TAFA5: variants seen among roughly 807,000 people sequenced by gnomAD.
TAFA5 encodes chemokine-like protein TAFA-5.
A neutral mutation model predicts 15.3 loss-of-function variants in TAFA5; 6 were observed. That is an observed-to-expected ratio of 0.39 (90% CI 0.21 to 0.77). TAFA5 has a LOEUF of 0.77. Among genes scored for constraint, TAFA5 ranks in the 30% least tolerant of loss-of-function variants. The pLI is 0.41. For missense variants in TAFA5, 161 were observed against 193.1 expected (o/e 0.83, Z 0.98); for synonymous variants, 103 against 80.7 (o/e 1.28, Z -1.48).
chr22:48,624,181 C>T (rs1925947859), intron 1 of TAFA5, among the ~76,000 whole-genome samples: 1 of 152,194 alleles, frequency 6.6e-6, no homozygotes, highest in South Asian at 2.1e-4. Context: ...GAATCTGATG[C>T]TTTCCCCATG....
At chr22:48,654,281 C>T (rs927797365) in intron 2 of TAFA5, among the ~76,000 whole-genome samples, 6 of 152,134 alleles carry the variant, frequency 3.9e-5, no homozygotes, top group African/African-American at 9.7e-5. Context: ...CCTGGGCAGA[C>T]CACCACCCTC....
intron 1 of TAFA5, among the ~76,000 whole-genome samples, chr22:48,491,987 A>AT (rs1222449945): frequency 1.3e-5 from 2 of 152,208 alleles, no homozygotes; most frequent in Admixed American, 6.5e-5. Flanking sequence ...TTCCATCTCC[A>AT]TGTAATGGAA....
At chr22:48,685,650 C>T (rs1311919138) in intron 2 of TAFA5, among the ~76,000 whole-genome samples, 1 of 151,832 alleles carries the variant, frequency 6.6e-6, no homozygotes, top group Admixed American at 6.6e-5. Context: ...ATCTCCCATC[C>T]CATCATGGTT....
chr22:48,512,395 T>C (rs1377097253), intron 1 of TAFA5, among the ~76,000 whole-genome samples: 1 of 151,296 alleles, frequency 6.6e-6, no homozygotes, highest in African/African-American at 2.4e-5. Flanking sequence ...TCGCTTGAGG[T>C]CAGGAGTTCG....
At chr22:48,593,018 G>C (rs1474526060) in intron 1 of TAFA5, among the ~76,000 whole-genome samples, 2 of 152,272 alleles carry the variant, frequency 1.3e-5, no homozygotes, top group Middle Eastern at 3.4e-3. Flanking sequence ...GAGTGGGGCG[G>C]GGGGGTCTGT....
rs569291845 is a variant in TAFA5, at chr22:48,494,272, A to T, written c.112+4568A>T. 2.6e-5 allele frequency among the ~76,000 whole-genome samples: 4 copies of T among 152,330 alleles called. No homozygotes were observed. In the South Asian group the frequency reaches 8.3e-4, roughly 32 times the overall value. The stretch of plus-strand genomic sequence containing the variant: ...AAAACATTAAAATCCCCATTTCTTT[A>T]TATAGGCTCGCATCTGCGCCGATTT... On this transcript the variant is annotated intron_variant, in intron 1 of 3. Coordinates refer to ENST00000402357, the MANE Select transcript of TAFA5 (RefSeq NM_001082967.3).
rs918852099 is a variant in TAFA5 at position 48,571,815 on chromosome 22, A to G, written c.113-74782A>G. Among the ~76,000 whole-genome samples, 3 of 151,918 alleles carry G rather than the reference A, an allele frequency of 2.0e-5. No homozygotes were observed. In the East Asian group the frequency reaches 5.8e-4, roughly 29 times the overall value. On this transcript the variant is annotated intron_variant, in intron 1 of 3. Transcript: ENST00000402357. ...GTTTAATGTTTAGGATATACCCTCT[A>G]GGTCTCAAATTTTCCATACTTTTTC...
intron 2 of TAFA5, among the ~76,000 whole-genome samples, chr22:48,703,602 C>T (rs1279014083): frequency 1.3e-5 from 2 of 152,260 alleles, no homozygotes; most frequent in Non-Finnish European, 2.9e-5. Context: ...CCAGCCGAGC[C>T]TTGTGCTGGG....
intron 1 of TAFA5, among the ~76,000 whole-genome samples, chr22:48,566,000 A>G (rs1923395003): frequency 6.6e-6 from 1 of 150,536 alleles, no homozygotes; most frequent in Admixed American, 6.6e-5. Flanking sequence ...AGATGGATGT[A>G]TGATGGATGG....
intron 1 of TAFA5, among the ~76,000 whole-genome samples, chr22:48,561,680 G>A (rs776022730): frequency 2.6e-5 from 4 of 152,210 alleles, no homozygotes; most frequent in African/African-American, 4.8e-5. Flanking sequence ...CTGGAGATCC[G>A]CGATGCCCAT....
chr22:48,576,253 G>C (rs990164680), intron 1 of TAFA5: 125 of 374,558 alleles, frequency 3.3e-4, no homozygotes, highest in South Asian at 5.4e-4. Context: ...GCCCCCGCCC[G>C]CCCCCTCCGC....
At chr22:48,658,413 C>T (rs371083945) in intron 2 of TAFA5, among the ~76,000 whole-genome samples, 1 of 152,238 alleles carries the variant, frequency 6.6e-6, no homozygotes, top group Admixed American at 6.5e-5. Flanking sequence ...CGCTCAGTTC[C>T]GCAGCTCCCT....
chr22:48,626,934 C>A (rs1027614157), intron 1 of TAFA5, among the ~76,000 whole-genome samples: 1 of 152,168 alleles, frequency 6.6e-6, no homozygotes, highest in Non-Finnish European at 1.5e-5. Flanking sequence ...GCTCCAGCCC[C>A]GTGCTGAGAC....
intron 2 of TAFA5, among the ~76,000 whole-genome samples, chr22:48,650,296 T>G (rs1927007597): frequency 6.6e-6 from 1 of 152,128 alleles, no homozygotes; most frequent in African/African-American, 2.4e-5. Flanking sequence ...TGTCCATTGG[T>G]CGGTTTCTTA....
chr22:48,663,709 T>C (rs1927521673), intron 2 of TAFA5, among the ~76,000 whole-genome samples: 1 of 152,232 alleles, frequency 6.6e-6, no homozygotes, highest in Non-Finnish European at 1.5e-5. Context: ...GCCATTCCAC[T>C]TTGTCCCATC....
At chr22:48,584,255 A>G (rs967513844) in intron 1 of TAFA5, among the ~76,000 whole-genome samples, 2 of 140,256 alleles carry the variant, frequency 1.4e-5, no homozygotes, top group Non-Finnish European at 3.1e-5. Context: ...CACACTTACA[A>G]AATACATCAC....
intron 2 of TAFA5, among the ~76,000 whole-genome samples, chr22:48,658,269 C>T (rs1356319501): frequency 6.6e-6 from 1 of 152,196 alleles, no homozygotes. Flanking sequence ...GGTCTTACGA[C>T]TGCTGCGTTC....
At chr22:48,654,307 G>A (rs577388603) in intron 2 of TAFA5, among the ~76,000 whole-genome samples, 1 of 152,306 alleles carries the variant, frequency 6.6e-6, no homozygotes, top group African/African-American at 2.4e-5. Context: ...GGGCTGGGGC[G>A]CTGGTGTCCT....
At chr22:48,666,822 G>C (rs1273818837) in intron 2 of TAFA5, among the ~76,000 whole-genome samples, 1 of 152,208 alleles carries the variant, frequency 6.6e-6, no homozygotes, top group Non-Finnish European at 1.5e-5. Flanking sequence ...CATGTCTGCT[G>C]TGTGGGCTGT....
Sources: allele counts gnomAD v4.1 joint callset (sites outside exome capture counted in the v4.1 genomes callset), GRCh38; gene constraint gnomAD v4.1.1; transcripts MANE v1.5; gene names NCBI Gene and HGNC (gene_info 2026-07-23, HGNC 2026-07-21).